NBAS: variants seen among roughly 807,000 people sequenced by gnomAD.
The protein encoded by NBAS is NAG/BC035112 fusion.
A neutral mutation model predicts 302.5 loss-of-function variants in NBAS; 219 were observed. The observed-to-expected ratio is 0.72, with a 90% confidence interval of 0.65 to 0.81. The LOEUF (loss-of-function observed/expected upper bound fraction) is 0.81. NBAS is among the 30% of genes least tolerant of loss of function. The pLI, the probability that NBAS is intolerant of heterozygous loss-of-function variation, is 0.00. For missense variants in NBAS, 2,932 were observed against 2,841.6 expected (o/e 1.03, Z -0.72); for synonymous variants, 1,118 against 1,021.6 (o/e 1.09, Z -1.80).
At chr2:15,086,143 C>T in the NBAS span, among the ~76,000 whole-genome samples, 1 of 152,130 alleles carries the variant, frequency 6.6e-6, no homozygotes, top group Non-Finnish European at 1.5e-5. Flanking sequence ...GGACCAATCC[C>T]CATGCACTTC....
At position 15,379,619 on chromosome 2, in the gene NBAS, G is replaced by A; in HGVS notation, c.3573C>T (p.Ser1191=). ...TATTCTACCTGGCTAGATCCATGCA[G>A]CTATCAGTGAGGTTGGTAGAAGAAT... ...YFNSSTNLTD[S]CMDLARCCLQ... The change falls in exon 30 of 52, where the codon AGC becomes AGT. Residue 1191 remains serine (S), a synonymous_variant. Transcript: ENST00000281513. 6.2e-7 allele frequency: 1 copy of A among 1,613,782 alleles called. No homozygotes were observed. Among genetic ancestry groups the A allele is most frequent in the Non-Finnish European group, 8.5e-7 (1 of 1,179,908 alleles).
At chr2:14,843,557 G>GACACAC in the NBAS span, among the ~76,000 whole-genome samples, 13 of 147,032 alleles carry the variant, frequency 8.8e-5, no homozygotes, top group South Asian at 4.3e-4. Flanking sequence ...TACAGACACA[G>GACACAC]ACACACACAC....
the NBAS span, among the ~76,000 whole-genome samples, chr2:14,912,468 A>G: frequency 6.6e-6 from 1 of 152,150 alleles, no homozygotes; most frequent in African/African-American, 2.4e-5. Flanking sequence ...AACATACACA[A>G]TACAGAAAAT....
At chr2:15,173,149 G>A (rs1664374833) in intron 51 of NBAS, among the ~76,000 whole-genome samples, 1 of 152,182 alleles carries the variant, frequency 6.6e-6, no homozygotes, top group African/African-American at 2.4e-5. Context: ...ATTGTTTTTT[G>A]TGTGTCAGCA....
chr2:14,781,227 C>T, the NBAS span, among the ~76,000 whole-genome samples: 1 of 152,216 alleles, frequency 6.6e-6, no homozygotes, highest in Non-Finnish European at 1.5e-5. Flanking sequence ...TTTGAACAGA[C>T]ATCAATAACA....
chr2:15,002,626 C>A, the NBAS span, among the ~76,000 whole-genome samples: 3 of 152,196 alleles, frequency 2.0e-5, no homozygotes, highest in Non-Finnish European at 4.4e-5. Context: ...CAGGATCCCA[C>A]GGAGGTGGTG....
intron 25 of NBAS, among the ~76,000 whole-genome samples, chr2:15,402,881 G>A (rs974644412): frequency 6.6e-6 from 1 of 152,000 alleles, no homozygotes; most frequent in African/African-American, 2.4e-5. Context: ...CATTTCCCAT[G>A]GCAAACCACA....
intron 21 of NBAS, among the ~76,000 whole-genome samples, chr2:15,444,322 C>T (rs1457338431): frequency 6.6e-6 from 1 of 152,154 alleles, no homozygotes; most frequent in Non-Finnish European, 1.5e-5. Context: ...ATCAATGGAA[C>T]AGAACACAGC....
intron 9 of NBAS, among the ~76,000 whole-genome samples, chr2:15,517,135 TG>T (rs1662434070): frequency 6.6e-6 from 1 of 152,164 alleles, no homozygotes; most frequent in South Asian, 2.1e-4. Context: ...AAACTTGTTT[TG>T]TTTTTTAGGT....
the NBAS span, among the ~76,000 whole-genome samples, chr2:14,908,908 G>C: frequency 2.6e-5 from 4 of 152,078 alleles, no homozygotes; most frequent in East Asian, 7.7e-4. Flanking sequence ...TATGTGTTAG[G>C]ACCCCCTAGG....
In NBAS at chr2:15,458,851, A is replaced by AT. The variant is rs1003244752; in HGVS notation, c.2339+2349dup. 3.6e-5 allele frequency among the ~76,000 whole-genome samples: 5 copies of AT among 137,140 alleles called. No individual in the cohort carries two copies. In the Admixed American group the frequency reaches 3.8e-4, roughly 11 times the overall value. The allele number at this position is 137,140 out of a possible 152,430, so 90.0% of individuals were successfully genotyped here. A position where few individuals can be genotyped will look rare whatever the true frequency, so the allele number is the denominator to read the frequency against. The stretch of plus-strand genomic sequence containing the variant: ...CAAAGGTTAATTTTAAAAAAACTCT[A>AT]TTTTTTCCAAATGTGTTTGAAAACA... On this transcript the variant is annotated intron_variant, in intron 21 of 51. Transcript: ENST00000281513.
chr2:15,071,673 C>A, the NBAS span, among the ~76,000 whole-genome samples: 1 of 151,128 alleles, frequency 6.6e-6, no homozygotes, highest in Non-Finnish European at 1.5e-5. Flanking sequence ...TTAATCGTGC[C>A]GAGGCTGAGA....
At chr2:15,034,272 GAA>G in the NBAS span, among the ~76,000 whole-genome samples, 10 of 99,612 alleles carry the variant, frequency 1.0e-4, no homozygotes, top group African/African-American at 4.3e-4. Flanking sequence ...AAGAAAGAAA[GAA>G]AGAGAGAAAG....
chr2:14,967,239 A>T, the NBAS span, among the ~76,000 whole-genome samples: 1 of 152,178 alleles, frequency 6.6e-6, no homozygotes, highest in African/African-American at 2.4e-5. Context: ...TGATATATAG[A>T]TTCAATGCAA....
rs762306789 is a variant in NBAS at position 15,342,283 on chromosome 2, CAATA to C, written c.4179+9705_4179+9708del. ...CAAAGGAAACAATACATAAATCACACAATAAATAAATAAAATAAATAAATCAAAA... is the reference window on the plus strand; with the variant it reads ...CAAAGGAAACAATACATAAATCACACAATAAATAAAATAAATAAATCAAAA... On this transcript the variant is annotated intron_variant, in intron 35 of 51. Coordinates refer to ENST00000281513, the MANE Select transcript of NBAS (RefSeq NM_015909.4). 3.2e-4 allele frequency among the ~76,000 whole-genome samples: 48 copies of C among 151,978 alleles called. No homozygotes were observed. The South Asian group carries it at 3.5e-3, about 11-fold the overall frequency.
At chr2:14,997,822 G>C in the NBAS span, among the ~76,000 whole-genome samples, 1 of 152,052 alleles carries the variant, frequency 6.6e-6, no homozygotes, top group African/African-American at 2.4e-5. Context: ...GCTTCCATAA[G>C]TTTGATTTTG....
chr2:15,036,478 G>A, the NBAS span, among the ~76,000 whole-genome samples: 1 of 152,126 alleles, frequency 6.6e-6, no homozygotes, highest in Non-Finnish European at 1.5e-5. Flanking sequence ...TCGGTAATAT[G>A]ACAATGTAAA....
intron 35 of NBAS, among the ~76,000 whole-genome samples, chr2:15,341,541 A>G (rs1672853052): frequency 6.6e-6 from 1 of 152,130 alleles, no homozygotes; most frequent in South Asian, 2.1e-4. Flanking sequence ...GCAATTAATA[A>G]CTCAATAACA....
At chr2:15,488,824 A>G (rs1680739766) in intron 12 of NBAS, 70 bp downstream of exon 12, 10 of 1,583,094 alleles carry the variant, frequency 6.3e-6, no homozygotes, top group Non-Finnish European at 8.7e-6. Context: ...GTAAAATATC[A>G]ATAAAATAAA....
Sources: allele counts gnomAD v4.1 joint callset (sites outside exome capture counted in the v4.1 genomes callset), GRCh38; gene constraint gnomAD v4.1.1; transcripts MANE v1.5; gene names NCBI Gene and HGNC (gene_info 2026-07-23, HGNC 2026-07-21).